The following FNDC3B variants were observed in gnomAD, a reference collection of about 807,000 sequenced individuals.
FNDC3B encodes fibronectin type III domain containing 3B, also known as fibronectin type III domain-containing protein 3B.
Under a neutral mutation model 151.5 loss-of-function variants are expected in FNDC3B, and 12 were observed. The observed-to-expected ratio is 0.08, with a 90% CI of 0.05 to 0.13. The LOEUF (loss-of-function observed/expected upper bound fraction) is 0.13, where lower values mean the gene tolerates loss of function less well. Among genes scored for constraint, FNDC3B ranks in the 10% least tolerant of loss-of-function variants. The pLI is 1.00. For missense variants in FNDC3B, 1,214 were observed against 1,505.3 expected (o/e 0.81, Z 3.20); for synonymous variants, 528 against 549.0 (o/e 0.96, Z 0.54).
intron 6 of FNDC3B, among the ~76,000 whole-genome samples, chr3:172,267,179 A>G (rs995828231): frequency 1.3e-5 from 2 of 149,996 alleles, no homozygotes. Context: ...TTTTTTGAAC[A>G]GGGTCTCACT....
At chr3:172,124,757 G>A (rs1037608989) in intron 2 of FNDC3B, among the ~76,000 whole-genome samples, 12 of 152,232 alleles carry the variant, frequency 7.9e-5, no homozygotes, top group African/African-American at 2.9e-4. Context: ...AGTTAAAATT[G>A]TTGGAAACAG....
Position 172,251,465 on chromosome 3 carries a change from C to T in FNDC3B, c.714C>T (p.Ser238=), listed in dbSNP as rs151151218. 3.1e-6 allele frequency: 5 copies of T among 1,613,898 alleles called. No homozygotes were observed. The highest frequency in any genetic ancestry group is 3.3e-5 in the Admixed American group (2 of 59,994). The change falls in exon 6 of 26, where the codon AGC becomes AGT. Residue 238 remains serine (S), a synonymous_variant. Coordinates refer to ENST00000415807, the MANE Select transcript of FNDC3B (RefSeq NM_022763.4). ...GHSGGSGGGG[S]GSGPGIKKTE... ...GTGGTGGAAGTGGCGGAGGCGGCAG[C>T]GGTAGTGGTCCCGGAATTAAGAAAA...
chr3:172,367,984 T>G (rs1186938044), intron 23 of FNDC3B, among the ~76,000 whole-genome samples: 1 of 152,208 alleles, frequency 6.6e-6, no homozygotes, highest in Non-Finnish European at 1.5e-5. Flanking sequence ...ACAGGGAGCC[T>G]GCCTGTTGGC....
chr3:172,261,045 T>C (rs1009359579), intron 6 of FNDC3B, among the ~76,000 whole-genome samples: 1 of 152,240 alleles, frequency 6.6e-6, no homozygotes, highest in Admixed American at 6.5e-5. Flanking sequence ...TTAAGCTAGA[T>C]GGATAAACTA....
Position 172,381,125 on chromosome 3 carries a change from C to G in FNDC3B, c.3303+32C>G, listed in dbSNP as rs1395347434. 1.9e-6 allele frequency: 3 copies of G among 1,610,388 alleles called. No homozygotes were observed. In the Admixed American group the frequency reaches 5.0e-5, roughly 27 times the overall value. On this transcript the variant is annotated intron_variant, in intron 25 of 25. Coordinates refer to ENST00000415807, the MANE Select transcript of FNDC3B (RefSeq NM_022763.4). Reference sequence around the variant, plus strand: ...ACCAGTGTGCATGGCACATGTGCAACTGAGTATGGCTGGCTCCATGCCTCT... The same window carrying G: ...ACCAGTGTGCATGGCACATGTGCAAGTGAGTATGGCTGGCTCCATGCCTCT...
intron 13 of FNDC3B, 46 bp downstream of exon 13, chr3:172,330,761 G>T (rs1560082379): frequency 1.4e-6 from 2 of 1,466,702 alleles, no homozygotes; most frequent in South Asian, 2.4e-5. Context: ...GTACGAGTCA[G>T]TATTATTATA....
At chr3:172,394,572 T>C (rs1478892714) in intron 25 of FNDC3B, among the ~76,000 whole-genome samples, 1 of 152,118 alleles carries the variant, frequency 6.6e-6, no homozygotes, top group Non-Finnish European at 1.5e-5. Flanking sequence ...AACAGACCAA[T>C]GGGTAAGGAG....
At chr3:172,321,224 G>C (rs745483994) in intron 11 of FNDC3B, among the ~76,000 whole-genome samples, 1 of 152,150 alleles carries the variant, frequency 6.6e-6, no homozygotes, top group Non-Finnish European at 1.5e-5. Flanking sequence ...CTGTCCCCTA[G>C]AGACCATTGC....
At chr3:172,069,238 T>A (rs1717651436) in intron 1 of FNDC3B, among the ~76,000 whole-genome samples, 1 of 152,200 alleles carries the variant, frequency 6.6e-6, no homozygotes. Context: ...GGGCATGGAA[T>A]CCTCAGGAGA....
At chr3:172,334,721 C>G (rs533654022) in intron 14 of FNDC3B, among the ~76,000 whole-genome samples, 25 of 152,228 alleles carry the variant, frequency 1.6e-4, no homozygotes, top group Non-Finnish European at 3.2e-4. Context: ...GGATTACAGG[C>G]GTGAGCCACT....
chr3:172,212,488 G>A (rs4380441), intron 3 of FNDC3B, among the ~76,000 whole-genome samples: 135,711 of 152,234 alleles, frequency 0.89, 60,779 homozygotes, highest in African/African-American at 0.95. Flanking sequence ...CTTGTGGGGA[G>A]AAGCAGACTC....
chr3:172,287,727 A>C (rs1730101827), intron 7 of FNDC3B, among the ~76,000 whole-genome samples: 1 of 152,210 alleles, frequency 6.6e-6, no homozygotes, highest in Non-Finnish European at 1.5e-5. Context: ...GAAGTGACAG[A>C]ATCTCTGTTT....
chr3:172,363,832 AAGAC>A (rs1396054822), intron 23 of FNDC3B, among the ~76,000 whole-genome samples: 2 of 152,216 alleles, frequency 1.3e-5, no homozygotes, highest in African/African-American at 2.4e-5. Context: ...GAAATCACAT[AAGAC>A]CCTACCTCTA....
chr3:172,246,505 C>T (rs1727784213), intron 4 of FNDC3B, among the ~76,000 whole-genome samples: 1 of 152,208 alleles, frequency 6.6e-6, no homozygotes, highest in Admixed American at 6.5e-5. Flanking sequence ...GTTGTTTGCT[C>T]ATAGGAGCTG....
At chr3:172,271,529 T>C (rs985028619) in intron 6 of FNDC3B, among the ~76,000 whole-genome samples, 1 of 152,228 alleles carries the variant, frequency 6.6e-6, no homozygotes, top group Non-Finnish European at 1.5e-5. Context: ...CTTATTCTGA[T>C]GAAAAAGAAG....
chr3:172,144,091 G>A (rs1201786357), intron 3 of FNDC3B, among the ~76,000 whole-genome samples: 1 of 152,196 alleles, frequency 6.6e-6, no homozygotes, highest in South Asian at 2.1e-4. Flanking sequence ...GCTGGGATCT[G>A]CTTCTCGTGA....
chr3:172,132,892 A>G (rs1009942861), intron 2 of FNDC3B, among the ~76,000 whole-genome samples: 4 of 152,230 alleles, frequency 2.6e-5, no homozygotes, highest in African/African-American at 9.6e-5. Context: ...TGTTCATATA[A>G]GTAAAACATT....
intron 21 of FNDC3B, among the ~76,000 whole-genome samples, chr3:172,351,639 G>A (rs1214452148): frequency 6.6e-6 from 1 of 152,138 alleles, no homozygotes; most frequent in African/African-American, 2.4e-5. Context: ...TTAGACTATT[G>A]GGCAAGGGCC....
intron 11 of FNDC3B, chr3:172,317,154 G>T: frequency 1.8e-5 from 8 of 443,234 alleles, no homozygotes; most frequent in South Asian, 3.3e-5. Context: ...CTCTCAACAT[G>T]TTGCATTGGG....
Sources: gnomAD v4.1 joint callset for allele counts (sites outside exome capture counted in the v4.1 genomes callset) on GRCh38, gnomAD v4.1.1 for gene constraint, MANE v1.5 for transcripts, NCBI Gene and HGNC (gene_info 2026-07-23, HGNC 2026-07-21) for gene names.